Variants in LRRC28 observed in about 807,000 individuals in gnomAD.
LRRC28 encodes leucine-rich repeat-containing protein 28.
Under a neutral mutation model 45.7 loss-of-function variants are expected in LRRC28, and 39 were observed. The observed-to-expected ratio is 0.85, with a 90% CI of 0.66 to 1.12. The LOEUF is 1.12. LRRC28 is among the 50% of genes most tolerant of loss of function. LRRC28 has a pLI of 0.00. For synonymous variants in LRRC28, 206 were observed against 178.8 expected (o/e 1.15, Z -1.22); for missense variants, 435 against 438.5 (o/e 0.99, Z 0.07).
chr15:99,352,880 C>G (rs1205195962), intron 7 of LRRC28, among the ~76,000 whole-genome samples: 1 of 152,160 alleles, frequency 6.6e-6, no homozygotes, highest in Admixed American at 6.5e-5. Flanking sequence ...TTTTCTTTCA[C>G]TGAAGCCCAT....
chr15:99,354,066 G>A (rs1956971277), intron 7 of LRRC28: 1 of 152,094 alleles, frequency 6.6e-6, no homozygotes, highest in Non-Finnish European at 1.5e-5. Context: ...TTATTAACAG[G>A]ATAGTATCAA....
chr15:99,260,950 T>C (rs935965104), intron 2 of LRRC28, among the ~76,000 whole-genome samples: 2 of 152,218 alleles, frequency 1.3e-5, no homozygotes, highest in Non-Finnish European at 2.9e-5. Context: ...CTGTTAACAT[T>C]TTTGCGTGTG....
intron 5 of LRRC28, among the ~76,000 whole-genome samples, chr15:99,330,292 G>C (rs1956119713): frequency 6.6e-6 from 1 of 152,068 alleles, no homozygotes; most frequent in South Asian, 2.1e-4. Flanking sequence ...TATATTCTTA[G>C]TGGTTTTCTG....
intron 7 of LRRC28, 157 bp from the exon 8 acceptor site, chr15:99,361,179 A>T: frequency 1.1e-6 from 1 of 899,322 alleles, no homozygotes; most frequent in Non-Finnish European, 1.6e-6. Context: ...AGGTTTTATG[A>T]AGGAACCCGG....
chr15:99,320,433 T>C (rs1392141832), intron 5 of LRRC28, among the ~76,000 whole-genome samples: 1 of 152,306 alleles, frequency 6.6e-6, no homozygotes, highest in South Asian at 2.1e-4. Context: ...TATAAAAAAA[T>C]AAACATGAGT....
intron 9 of LRRC28, among the ~76,000 whole-genome samples, chr15:99,371,127 A>G (rs541861613): frequency 1.3e-5 from 2 of 152,250 alleles, no homozygotes; most frequent in Admixed American, 6.5e-5. Context: ...AAACATTAGT[A>G]TGCCAATGGC....
In LRRC28 at chr15:99,387,628, T is replaced by C. The variant is rs1407194680; in HGVS notation, c.*1526T>C. On this transcript the variant is annotated 3_prime_UTR_variant, in exon 10 of 10. Coordinates refer to ENST00000301981, the MANE Select transcript of LRRC28 (RefSeq NM_144598.5). ...CGTATTTGCTCTTCCTTTCAAAGGA[T>C]GGCATTTTAATGTTGCTTTGCTGCC... 3.3e-5 allele frequency: 5 copies of C among 152,234 alleles called. No individual in the cohort carries two copies. The highest frequency in any genetic ancestry group is 1.2e-4 in the African/African-American group (5 of 41,458). The allele number at this position is 152,234 out of a possible 1,614,324, so 9.4% of individuals were successfully genotyped here. A position where few individuals can be genotyped will look rare whatever the true frequency, so the allele number is the denominator to read the frequency against.
chr15:99,294,000 A>T (rs1302359175), intron 5 of LRRC28, among the ~76,000 whole-genome samples: 1 of 152,212 alleles, frequency 6.6e-6, no homozygotes, highest in Non-Finnish European at 1.5e-5. Flanking sequence ...TTTAAGGAAG[A>T]TCTTCCATTA....
rs114355264 is a variant in LRRC28, at chr15:99,374,236, G to A, written c.1031+10971G>A. On this transcript the variant is annotated intron_variant, in intron 9 of 9. Coordinates refer to ENST00000301981, the MANE Select transcript of LRRC28 (RefSeq NM_144598.5). ...GAGTTTTCTAATGTATGAACATGATGCGTCTCTCCATTTATTTAGGTCTTT... is the reference window on the plus strand; with the variant it reads ...GAGTTTTCTAATGTATGAACATGATACGTCTCTCCATTTATTTAGGTCTTT... Among the ~76,000 whole-genome samples the A allele has an allele frequency of 5.3e-3, 806 of 152,256 alleles. 17 individuals are homozygous for A. Among genetic ancestry groups the A allele is most frequent in the African/African-American group, 0.018 (757 of 41,558 alleles).
At chr15:99,287,742 G>A in intron 4 of LRRC28, 72 bp from the exon 5 acceptor site, 2 of 1,464,266 alleles carry the variant, frequency 1.4e-6, no homozygotes, top group Non-Finnish European at 1.8e-6. Context: ...TTTTAACTTG[G>A]AATACTTGCT....
At chr15:99,377,738 T>C (rs1442437533) in intron 9 of LRRC28, among the ~76,000 whole-genome samples, 1 of 152,154 alleles carries the variant, frequency 6.6e-6, no homozygotes, top group Non-Finnish European at 1.5e-5. Flanking sequence ...AAGGAAGGGA[T>C]CCAGTTTCAG....
chr15:99,358,599 G>C (rs1192777632), intron 7 of LRRC28, among the ~76,000 whole-genome samples: 5 of 152,136 alleles, frequency 3.3e-5, no homozygotes, highest in Middle Eastern at 6.8e-3. Context: ...CACTGAAACA[G>C]ACTAAAGACT....
chr15:99,324,871 A>G (rs552895682), intron 5 of LRRC28, among the ~76,000 whole-genome samples: 44 of 152,302 alleles, frequency 2.9e-4, no homozygotes, highest in Middle Eastern at 3.4e-3. Flanking sequence ...CAGGATTCCA[A>G]AAAGAATGCA....
Position 99,361,375 on chromosome 15 carries a change from T to A in LRRC28, c.735T>A (p.Leu245=). 6.2e-7 allele frequency: 1 copy of A among 1,613,822 alleles called. No homozygotes were observed. ...APIQVSEVKL[L]SFSSGQRTVF... ...TTCAAGTTTCCGAGGTGAAGCTGCT[T>A]TCCTTTTCATCAGGGCAGCGAACCG... Residue 245 remains leucine, a synonymous_variant, in exon 8 of 10, where the codon CTT becomes CTA. Transcript: ENST00000301981.
chr15:99,278,823 C>T (rs2081695016), intron 3 of LRRC28, among the ~76,000 whole-genome samples: 1 of 152,170 alleles, frequency 6.6e-6, no homozygotes, highest in Non-Finnish European at 1.5e-5. Context: ...AGGTTGTTGG[C>T]CAGGACTGCA....
At chr15:99,258,779 G>C in intron 2 of LRRC28, 1 of 694,336 alleles carries the variant, frequency 1.4e-6, no homozygotes, top group Non-Finnish European at 2.8e-6. Flanking sequence ...AATTTTATTT[G>C]TACCCACATT....
rs144151727 is a variant in LRRC28, at chr15:99,290,371, T to C, written c.385+2420T>C. Among the ~76,000 whole-genome samples, 630 of 152,256 alleles carry C rather than the reference T, an allele frequency of 4.1e-3. 2 individuals are homozygous for C. The highest frequency in any genetic ancestry group is 5.4e-3 in the Non-Finnish European group (368 of 67,994). ...TCTTATTTTTTCTAACTATAGTTAA[T>C]ATAAAAATTTTTGACACAATACAGG... On this transcript the variant is annotated intron_variant, in intron 5 of 9. Coordinates refer to ENST00000301981, the MANE Select transcript of LRRC28 (RefSeq NM_144598.5).
At chr15:99,297,508 C>T (rs2082296891) in intron 5 of LRRC28, among the ~76,000 whole-genome samples, 1 of 150,286 alleles carries the variant, frequency 6.7e-6, no homozygotes, top group Non-Finnish European at 1.5e-5. Context: ...AAGTGATCCT[C>T]GTGCTTTGGC....
At chr15:99,318,251 AC>A (rs1209739170) in intron 5 of LRRC28, among the ~76,000 whole-genome samples, 1 of 152,042 alleles carries the variant, frequency 6.6e-6, no homozygotes, top group Non-Finnish European at 1.5e-5. Flanking sequence ...GTTGCAGTGA[AC>A]CAGAATATCA....
Sources: allele counts gnomAD v4.1 joint callset (sites outside exome capture counted in the v4.1 genomes callset), GRCh38; gene constraint gnomAD v4.1.1; transcripts MANE v1.5; gene names NCBI Gene and HGNC (gene_info 2026-07-23, HGNC 2026-07-21).